The following ZBTB21 variants were observed in gnomAD, a reference collection of about 807,000 sequenced individuals.
The protein encoded by ZBTB21 is zinc finger and BTB domain containing 21.
In ZBTB21, 10 loss-of-function variants were observed where a neutral mutation model predicts 39.8. That is an observed-to-expected ratio of 0.25 (90% CI 0.16 to 0.43). ZBTB21 has a LOEUF of 0.43. Among genes scored for constraint, ZBTB21 ranks in the 20% least tolerant of loss-of-function variants. The pLI, the probability that ZBTB21 is intolerant of heterozygous loss-of-function variation, is 1.00. For missense variants in ZBTB21, 1,221 were observed against 1,296.3 expected (o/e 0.94, Z 0.89); for synonymous variants, 551 against 498.8 (o/e 1.10, Z -1.40).
chr21:41,997,092 A>G (rs2065756474), intron 2 of ZBTB21, among the ~76,000 whole-genome samples: 1 of 151,816 alleles, frequency 6.6e-6, no homozygotes, highest in Non-Finnish European at 1.5e-5. Flanking sequence ...AATTTTTTTT[A>G]TTTTTTATTT....
intron 2 of ZBTB21, among the ~76,000 whole-genome samples, 176 bp from the exon 3 acceptor site, chr21:41,994,284 A>C (rs2065716401): frequency 6.6e-6 from 1 of 152,228 alleles, no homozygotes; most frequent in Admixed American, 6.5e-5. Context: ...ATGTAAAATA[A>C]GTCTCGTGGT....
At chr21:42,001,151 A>T (rs1289221072) in intron 2 of ZBTB21, among the ~76,000 whole-genome samples, 2 of 152,214 alleles carry the variant, frequency 1.3e-5, no homozygotes, top group African/African-American at 4.8e-5. Context: ...AGAGATAAGT[A>T]GCAGAGCAGG....
rs1286109290 is a variant in ZBTB21 at position 41,989,882 on chromosome 21, T to C, written c.*1013A>G. ...CTCTATCTGGAAGTAAATGGTAATT[T>C]AGAATTTTACATCAGCTGTGCTAAT... On this transcript the variant is annotated 3_prime_UTR_variant, in exon 3 of 3. Coordinates refer to ENST00000310826, the MANE Select transcript of ZBTB21 (RefSeq NM_001098402.2). 5.3e-5 allele frequency: 8 copies of C among 152,226 alleles called. No individual in the cohort carries two copies. The highest frequency in any genetic ancestry group is 1.2e-4 in the African/African-American group (5 of 41,462). 9.4% of individuals were successfully genotyped at this position (152,226 alleles called of 1,614,324 possible).
chr21:41,991,282 A>G lies in ZBTB21; in HGVS notation c.2814T>C (p.Ile938=). The G allele has an allele frequency of 6.2e-7, 1 of 1,613,896 alleles. No individual in the cohort carries two copies. Among genetic ancestry groups the G allele is most frequent in the Non-Finnish European group, 8.5e-7 (1 of 1,179,830 alleles). Residue 938 remains isoleucine, a synonymous_variant, in exon 3 of 3, where the codon ATT becomes ATC. Coordinates refer to ENST00000310826, the MANE Select transcript of ZBTB21 (RefSeq NM_001098402.2). The surrounding 1 kb of genome is among the most constrained non-coding windows in gnomAD (Gnocchi z 4.9). The part of the protein sequence containing the change: ...QELLCSVKPF[I]CHVCNKAFRT... ...GAAAAGCTTTGTTGCACACGTGACA[A>G]ATAAATGGTTTCACAGAGCACAGAA...
rs965667103 is a variant in ZBTB21 at position 41,987,187 on chromosome 21, G to A, written c.*3708C>T. 1 of 152,172 alleles carries A rather than the reference G, an allele frequency of 6.6e-6. No homozygotes were observed. The highest frequency in any genetic ancestry group is 2.4e-5 in the African/African-American group (1 of 41,432). 9.4% of individuals were successfully genotyped at this position (152,172 alleles called of 1,614,324 possible). A position where few individuals can be genotyped will look rare whatever the true frequency, so the allele number is the denominator to read the frequency against. ...CTGGACAGCATTAACAAATGAAAGA[G>A]CACTGAATTCTGTTATTTTAAAGAT... On this transcript the variant is annotated 3_prime_UTR_variant, in exon 3 of 3. Coordinates refer to ENST00000310826, the MANE Select transcript of ZBTB21 (RefSeq NM_001098402.2).
chr21:41,998,558 C>T (rs2065779806), intron 2 of ZBTB21, among the ~76,000 whole-genome samples: 1 of 152,134 alleles, frequency 6.6e-6, no homozygotes, highest in African/African-American at 2.4e-5. Flanking sequence ...TTTAAGATTA[C>T]ATGAATCCCA....
At position 42,008,942 on chromosome 21, in the gene ZBTB21, A is replaced by C. The variant is rs929867955; in HGVS notation, c.-79+1310T>G. Among the ~76,000 whole-genome samples, 6 of 152,356 alleles carry C rather than the reference A, an allele frequency of 3.9e-5. No individual in the cohort carries two copies. In the South Asian group the frequency reaches 1.0e-3, roughly 26 times the overall value. On this transcript the variant is annotated intron_variant, in intron 1 of 2. Transcript: ENST00000310826. ...AAGTACACGAGGAAAGCTTTAAAAG[A>C]TAATTTTCCATGAGAAATCTTTCTA...
In ZBTB21 at chr21:41,989,961, T is replaced by C. The variant is rs555626168; in HGVS notation, c.*934A>G. The C allele has an allele frequency of 3.9e-5, 6 of 152,326 alleles. No homozygotes were observed. Among genetic ancestry groups the C allele is most frequent in the East Asian group, 3.9e-4 (2 of 5,190 alleles). 9.4% of individuals were successfully genotyped at this position (152,326 alleles called of 1,614,324 possible). A position where few individuals can be genotyped will look rare whatever the true frequency, so the allele number is the denominator to read the frequency against. ...TATGTCCCGACCTTATTTGTTACAC[T>C]AATGTTAAAATCAAAATTAGTGCCA... is the stretch of plus-strand genomic sequence containing the variant. On this transcript the variant is annotated 3_prime_UTR_variant, in exon 3 of 3. Transcript: ENST00000310826.
At position 41,992,153 on chromosome 21, in the gene ZBTB21, C is replaced by G. The variant is rs1306834060; in HGVS notation, c.1943G>C (p.Gly648Ala). Residue 648 changes from glycine (G) to alanine (A), a missense_variant, in exon 3 of 3, where the codon GGA (glycine) becomes GCA (alanine). Transcript: ENST00000310826. This position sits in a 1 kb window ranked among gnomAD's most constrained non-coding sequence, Gnocchi z 4.1. ...TTGCTGTGCTTGGGAGCTACTCTGT[C>G]CCTGAAAACCAGGCTTGCCGCGCCT... is the stretch of plus-strand genomic sequence containing the variant. ...KLRRGKPGFQ[G>A]QSSSQAQQVI... 1 of 1,614,194 alleles carries G rather than the reference C, an allele frequency of 6.2e-7. No homozygotes were observed. The highest frequency in any genetic ancestry group is 8.5e-7 in the Non-Finnish European group (1 of 1,180,032).
At chr21:42,003,625 A>C (rs2065843682) in intron 1 of ZBTB21, among the ~76,000 whole-genome samples, 1 of 152,222 alleles carries the variant, frequency 6.6e-6, no homozygotes, top group Non-Finnish European at 1.5e-5. Context: ...CATGATGCAC[A>C]AAGGAAAGGC....
In ZBTB21 at chr21:41,987,042, G is replaced by A. The variant is rs545656325; in HGVS notation, c.*3853C>T. On this transcript the variant is annotated 3_prime_UTR_variant, in exon 3 of 3. Transcript: ENST00000310826. ...GCTAAGGCATATGACAAAATACACA[G>A]AATTATAAAACCATTCGTTTTTCTT... 3 of 152,702 alleles carry A rather than the reference G, an allele frequency of 2.0e-5. No homozygotes were observed. Among genetic ancestry groups the A allele is most frequent in the South Asian group, 2.1e-4 (1 of 4,830 alleles). 9.5% of individuals were successfully genotyped at this position (152,702 alleles called of 1,614,324 possible).
rs2065693365 is a variant in ZBTB21, at chr21:41,993,171, A to G, written c.925T>C (p.Tyr309His). ...NGQGEDRNLL[Y>H]YSKLGLVIPS... Reference sequence around the variant, plus strand: ...ATCACTAAGCCTAACTTTGAATAGTACAACAAGTTTCTATCTTCACCTTGA... The same window carrying G: ...ATCACTAAGCCTAACTTTGAATAGTGCAACAAGTTTCTATCTTCACCTTGA... The change falls in exon 3 of 3, where the codon TAC becomes CAC. Residue 309 changes from tyrosine to histidine, a missense_variant. Tyr to His is a moderately conservative substitution (Grantham distance 83). This residue lies in a region of ZBTB21 where 500 missense variants were observed against 465.6 expected (regional missense o/e 1.07). Coordinates refer to ENST00000310826, the MANE Select transcript of ZBTB21 (RefSeq NM_001098402.2). The G allele has an allele frequency of 6.2e-7, 1 of 1,613,838 alleles. No homozygotes were observed. Among genetic ancestry groups the G allele is most frequent in the Admixed American group, 1.7e-5 (1 of 60,030 alleles).
chr21:42,006,510 G>C (rs2065880840), intron 1 of ZBTB21, among the ~76,000 whole-genome samples: 1 of 151,578 alleles, frequency 6.6e-6, no homozygotes, highest in African/African-American at 2.4e-5. Context: ...CTGTCTCTAA[G>C]ACCTAACCTG....
intron 1 of ZBTB21, among the ~76,000 whole-genome samples, chr21:42,007,454 T>A (rs1226432660): frequency 6.6e-6 from 1 of 152,198 alleles, no homozygotes; most frequent in African/African-American, 2.4e-5. Context: ...CTACTTACCA[T>A]CTACTCTACA....
Position 41,992,007 on chromosome 21 carries a change from G to A in ZBTB21, c.2089C>T (p.Pro697Ser), listed in dbSNP as rs540935593. The change falls in exon 3 of 3, where the codon CCC (proline) becomes TCC (serine). Residue 697 changes from proline (P) to serine (S), a missense_variant. Pro to Ser is a moderately conservative substitution (Grantham distance 74, BLOSUM62 -1). This residue lies in a region of ZBTB21 where 523 missense variants were observed against 542.5 expected (regional missense o/e 0.96). Coordinates refer to ENST00000310826, the MANE Select transcript of ZBTB21 (RefSeq NM_001098402.2). This position sits in a 1 kb window ranked among gnomAD's most constrained non-coding sequence, Gnocchi z 4.1. ...QHIKMHPGEK[P>S]LGVNKVAKPK... ...TTAGCAACTTTATTTACTCCAAGGG[G>A]TTTTTCTCCTGGATGCATTTTTATA... 1.8e-5 allele frequency: 29 copies of A among 1,614,178 alleles called. No homozygotes were observed. The South Asian group carries it at 2.6e-4, about 15-fold the overall frequency.
rs1569104827 is a variant in ZBTB21, at chr21:41,992,772, C to T, written c.1324G>A (p.Asp442Asn). Reference sequence around the variant, plus strand: ...TCTCCCACAGTGACGCGGATGATGTCCGAGGGGTCCGACAGCGGGCTGCTG... The same window carrying T: ...TCTCCCACAGTGACGCGGATGATGTTCGAGGGGTCCGACAGCGGGCTGCTG... ...EPSSPLSDPSDIIRVTVGDAA... is the reference protein window; with the variant it reads ...EPSSPLSDPSNIIRVTVGDAA... Residue 442 changes from aspartate to asparagine, a missense_variant, in exon 3 of 3, where the codon GAC becomes AAC. Coordinates refer to ENST00000310826, the MANE Select transcript of ZBTB21 (RefSeq NM_001098402.2). This position sits in a 1 kb window ranked among gnomAD's most constrained non-coding sequence, Gnocchi z 4.1. 6.2e-7 allele frequency: 1 copy of T among 1,614,108 alleles called. No homozygotes were observed. Among genetic ancestry groups the T allele is most frequent in the Admixed American group, 1.7e-5 (1 of 60,028 alleles).
Position 41,992,580 on chromosome 21 carries a change from C to A in ZBTB21, c.1516G>T (p.Val506Leu). Residue 506 changes from valine to leucine, a missense_variant, in exon 3 of 3, where the codon GTG becomes TTG. Physicochemically the swap from Val to Leu is conservative, Grantham distance 32 (BLOSUM62 1). Transcript: ENST00000310826. The surrounding 1 kb of genome is among the most constrained non-coding windows in gnomAD (Gnocchi z 4.1). ...CCTTCCTCAAAATTATCTTCTGACA[C>A]AGGAGACCCGTGCTCATTCACCTTT... ...KLKVNEHGSP[V>L]SEDNFEEGSS... 1 of 1,614,210 alleles carries A rather than the reference C, an allele frequency of 6.2e-7. No individual in the cohort carries two copies.
Position 41,991,309 on chromosome 21 carries a change from C to T in ZBTB21, c.2787G>A (p.Glu929=). 1.9e-6 allele frequency: 3 copies of T among 1,611,576 alleles called. No homozygotes were observed. The highest frequency in any genetic ancestry group is 2.5e-6 in the Non-Finnish European group (3 of 1,178,576). The change falls in exon 3 of 3, where the codon GAG becomes GAA. Residue 929 remains glutamate, a synonymous_variant. Coordinates refer to ENST00000310826, the MANE Select transcript of ZBTB21 (RefSeq NM_001098402.2). The surrounding 1 kb of genome is among the most constrained non-coding windows in gnomAD (Gnocchi z 4.9). ...TVHKQLERHQ[E]LLCSVKPFIC... ...TAAATGGTTTCACAGAGCACAGAAG[C>T]TCCTGGTGACGCTCCAGCTGCTTAT...
intron 1 of ZBTB21, among the ~76,000 whole-genome samples, chr21:42,005,542 A>T (rs767859723): frequency 5.3e-5 from 8 of 152,168 alleles, no homozygotes; most frequent in Non-Finnish European, 1.2e-4. Flanking sequence ...GTATCTTTAC[A>T]ATAAACTACT....
Sources: gnomAD v4.1 joint callset for allele counts (sites outside exome capture counted in the v4.1 genomes callset) on GRCh38, gnomAD v4.1.1 for gene constraint, gnomAD v4.1.1 regional missense constraint, Gnocchi (gnomAD v3.1) non-coding constraint, MANE v1.5 for transcripts, NCBI Gene and HGNC (gene_info 2026-07-23, HGNC 2026-07-21) for gene names.